LGALS4: variants seen among roughly 807,000 people sequenced by gnomAD.
LGALS4 encodes the protein galectin 4, also known as galectin-4.
In LGALS4, 37 loss-of-function variants were observed where a neutral mutation model predicts 39.6. The observed-to-expected ratio is 0.93, with a 90% CI of 0.72 to 1.23. The LOEUF is 1.23. LGALS4 is among the 50% of genes most tolerant of loss of function. LGALS4 has a pLI of 0.00. For missense variants in LGALS4, 397 were observed against 433.2 expected, an observed-to-expected ratio of 0.92 and a Z score of 0.74; for synonymous variants, 160 against 165.5, an observed-to-expected ratio of 0.97 and a Z score of 0.25.
chr19:38,811,981 C>A (rs765374940), intron 2 of LGALS4, among the ~76,000 whole-genome samples: 3 of 151,720 alleles, frequency 2.0e-5, no homozygotes. Flanking sequence ...CCATTGCACT[C>A]CAGCCTGGGC....
intron 2 of LGALS4, among the ~76,000 whole-genome samples, chr19:38,810,910 T>C (rs1971485590): frequency 6.6e-6 from 1 of 150,782 alleles, no homozygotes; most frequent in Non-Finnish European, 1.5e-5. Context: ...TTTTTTTTTT[T>C]TTTTTTTTGA....
intron 3 of LGALS4, among the ~76,000 whole-genome samples, chr19:38,806,862 G>T (rs533270096): frequency 6.6e-6 from 1 of 152,024 alleles, no homozygotes; most frequent in South Asian, 2.1e-4. Flanking sequence ...CAGGAGAATC[G>T]CCTGAACCCG....
intron 2 of LGALS4, 92 bp from the exon 3 acceptor site, chr19:38,809,040 C>G (rs1035524): frequency 0.45 from 504,690 of 1,120,122 alleles, 119,481 homozygotes; most frequent in African/African-American, 0.76. Flanking sequence ...GCCCTGTCCT[C>G]GGCCTCCCTG....
intron 3 of LGALS4, among the ~76,000 whole-genome samples, 155 bp from the exon 4 acceptor site, chr19:38,806,750 C>A (rs999085136): frequency 6.6e-6 from 1 of 151,970 alleles, no homozygotes; most frequent in Non-Finnish European, 1.5e-5. Flanking sequence ...AGTGTGAGAC[C>A]AGTCTGGCCA....
chr19:38,805,289 G>A (rs1429438574), intron 4 of LGALS4, among the ~76,000 whole-genome samples: 1 of 151,364 alleles, frequency 6.6e-6, no homozygotes, highest in African/African-American at 2.4e-5. Context: ...ATTCACTATC[G>A]TGTGTTCTTT....
chr19:38,807,434 G>A (rs979228730), intron 3 of LGALS4, among the ~76,000 whole-genome samples: 1 of 152,108 alleles, frequency 6.6e-6, no homozygotes, highest in Admixed American at 6.6e-5. Flanking sequence ...CACATGAAAT[G>A]TATTACAAGA....
chr19:38,809,413 CAG>C (rs1220321314), intron 2 of LGALS4, among the ~76,000 whole-genome samples: 1 of 151,858 alleles, frequency 6.6e-6, no homozygotes, highest in East Asian at 1.9e-4. Flanking sequence ...CTCCTGACCT[CAG>C]GTGATCCACC....
intron 3 of LGALS4, 101 bp from the exon 4 acceptor site, chr19:38,806,696 C>G: frequency 7.6e-7 from 1 of 1,309,738 alleles, no homozygotes; most frequent in Non-Finnish European, 1.1e-6. Flanking sequence ...CCTCTAATCC[C>G]AGCACTTTGG....
At chr19:38,812,773 T>A (rs140135310) in intron 1 of LGALS4, 69 bp downstream of exon 1, 15,605 of 1,532,430 alleles carry the variant, frequency 0.01, 110 homozygotes, top group Non-Finnish European at 0.012. Flanking sequence ...AGGATCAGAG[T>A]GGGGAAAATT....
At chr19:38,806,835 T>C (rs1971427810) in intron 3 of LGALS4, among the ~76,000 whole-genome samples, 1 of 151,842 alleles carries the variant, frequency 6.6e-6, no homozygotes, top group Non-Finnish European at 1.5e-5. Context: ...TAATCCCAGA[T>C]ACTCAGGAGG....
intron 2 of LGALS4, among the ~76,000 whole-genome samples, chr19:38,809,544 C>T (rs565598553): frequency 3.3e-5 from 5 of 150,626 alleles, no homozygotes; most frequent in African/African-American, 9.8e-5. Context: ...ACAGTGGCCA[C>T]GATGGTGGCT....
chr19:38,804,295 T>G (rs974967584), intron 4 of LGALS4, among the ~76,000 whole-genome samples: 7 of 152,198 alleles, frequency 4.6e-5, no homozygotes, highest in African/African-American at 1.7e-4. Flanking sequence ...ATTTATTTAT[T>G]TGAGATGGAA....
chr19:38,810,886 C>G (rs1971485147), intron 2 of LGALS4, among the ~76,000 whole-genome samples: 1 of 149,442 alleles, frequency 6.7e-6, no homozygotes, highest in Non-Finnish European at 1.5e-5. Flanking sequence ...CATCTGACAT[C>G]TTACATATTT....
chr19:38,810,655 C>T (rs2145361629), intron 2 of LGALS4, among the ~76,000 whole-genome samples: 1 of 152,184 alleles, frequency 6.6e-6, no homozygotes, highest in South Asian at 2.1e-4. Flanking sequence ...AGCCACCACG[C>T]CCAGCCAGAT....
chr19:38,807,820 C>A (rs542996513), intron 3 of LGALS4, among the ~76,000 whole-genome samples: 1 of 152,184 alleles, frequency 6.6e-6, no homozygotes, highest in Non-Finnish European at 1.5e-5. Flanking sequence ...TAATCTGTAA[C>A]CTTACCCTGT....
intron 6 of LGALS4, 76 bp from the exon 7 acceptor site, chr19:38,803,627 G>A (rs772303935): frequency 4.4e-6 from 7 of 1,592,558 alleles, no homozygotes; most frequent in Admixed American, 3.4e-5. Flanking sequence ...AGACTCCGGC[G>A]TTTCTCTAGG....
intron 4 of LGALS4, among the ~76,000 whole-genome samples, chr19:38,806,040 C>A (rs1019394668): frequency 1.8e-4 from 28 of 151,824 alleles, no homozygotes; most frequent in African/African-American, 6.3e-4. Context: ...CCACTGTACT[C>A]CAGCCTGGGA....
chr19:38,802,208 C>A (rs1259379304), intron 8 of LGALS4, 51 bp from the exon 9 acceptor site: 1 of 1,605,158 alleles, frequency 6.2e-7, no homozygotes, highest in Non-Finnish European at 8.5e-7. Flanking sequence ...TGGGAAGAGG[C>A]CAGTGGGCTG....
chr19:38,802,905 T>A (rs767127559), intron 7 of LGALS4: 1 of 160,974 alleles, frequency 6.2e-6, no homozygotes. Context: ...CTGGAACTCT[T>A]GACCTCAAGT....
Sources: allele counts gnomAD v4.1 joint callset (sites outside exome capture counted in the v4.1 genomes callset), GRCh38; gene constraint gnomAD v4.1.1; transcripts MANE v1.5; gene names NCBI Gene and HGNC (gene_info 2026-07-23, HGNC 2026-07-21).